Variants in SORCS3 observed in about 807,000 individuals in gnomAD.
SORCS3 encodes sortilin related VPS10 domain containing receptor 3, also known as VPS10 domain-containing receptor SorCS3.
A neutral mutation model predicts 146.3 loss-of-function variants in SORCS3; 57 were observed. That is an observed-to-expected ratio of 0.39 (90% CI 0.31 to 0.49). The LOEUF (loss-of-function observed/expected upper bound fraction) is 0.49. SORCS3 is among the 20% of genes least tolerant of loss of function. The pLI, the probability that SORCS3 is intolerant of heterozygous loss-of-function variation, is 0.92. For missense variants in SORCS3, 1,341 were observed against 1,575.5 expected (o/e 0.85, Z 2.52); for synonymous variants, 653 against 618.5 (o/e 1.06, Z -0.83).
intron 4 of SORCS3, among the ~76,000 whole-genome samples, chr10:105,039,029 T>C (rs139743230): frequency 1.2e-4 from 19 of 152,220 alleles, no homozygotes; most frequent in African/African-American, 4.3e-4. Context: ...GGCATTATAA[T>C]TGCATGCATT....
At chr10:104,934,962 G>T (rs2019245584) in intron 3 of SORCS3, among the ~76,000 whole-genome samples, 1 of 152,210 alleles carries the variant, frequency 6.6e-6, no homozygotes, top group South Asian at 2.1e-4. Flanking sequence ...ATTCTGAGCA[G>T]CAGAACATTC....
chr10:105,103,063 T>C (rs1384074424), intron 6 of SORCS3, among the ~76,000 whole-genome samples: 1 of 152,018 alleles, frequency 6.6e-6, no homozygotes, highest in Non-Finnish European at 1.5e-5. Context: ...CTCTCAATTA[T>C]AAAAATAAGG....
At chr10:105,139,254 T>G (rs1733255305) in intron 7 of SORCS3, 143 bp from the exon 8 acceptor site, 1 of 662,660 alleles carries the variant, frequency 1.5e-6, no homozygotes, top group African/African-American at 1.8e-5. Context: ...TGCCATGGGA[T>G]TAGAGACCCA....
intron 2 of SORCS3, among the ~76,000 whole-genome samples, chr10:104,862,982 A>C (rs1279817259): frequency 1.3e-5 from 2 of 152,214 alleles, no homozygotes; most frequent in African/African-American, 4.8e-5. Context: ...AAGCTGTGAC[A>C]TTCATTTGGG....
chr10:105,141,972 G>A (rs748774268), intron 8 of SORCS3, among the ~76,000 whole-genome samples: 14 of 152,150 alleles, frequency 9.2e-5, no homozygotes, highest in African/African-American at 2.7e-4. Context: ...TAAAGTGTTC[G>A]ACAAATCTAA....
At chr10:104,884,754 T>G (rs2018664909) in intron 2 of SORCS3, among the ~76,000 whole-genome samples, 1 of 152,022 alleles carries the variant, frequency 6.6e-6, no homozygotes, top group Non-Finnish European at 1.5e-5. Context: ...TCTAAAATAG[T>G]TTTGAATTCT....
At chr10:105,028,892 G>A (rs969564489) in intron 4 of SORCS3, among the ~76,000 whole-genome samples, 8 of 152,094 alleles carry the variant, frequency 5.3e-5, no homozygotes, top group South Asian at 2.1e-4. Context: ...TCTCAAGATC[G>A]GTACCTAAGA....
chr10:105,073,772 G>T (rs2055572348), intron 5 of SORCS3, among the ~76,000 whole-genome samples: 1 of 152,112 alleles, frequency 6.6e-6, no homozygotes, highest in Admixed American at 6.5e-5. Flanking sequence ...CATCAGAAAA[G>T]AATTACTCGT....
intron 1 of SORCS3, among the ~76,000 whole-genome samples, chr10:104,718,555 T>C (rs1186374611): frequency 1.3e-5 from 2 of 152,186 alleles, no homozygotes; most frequent in African/African-American, 4.8e-5. Flanking sequence ...GGGGTGCCTC[T>C]GAAGTACAAT....
At position 105,206,273 on chromosome 10, in the gene SORCS3, T is replaced by A. The variant is rs1187240260; in HGVS notation, c.2262-4864T>A. Among the ~76,000 whole-genome samples, 3 of 152,204 alleles carry A rather than the reference T, an allele frequency of 2.0e-5. No homozygotes were observed. In the East Asian group the frequency reaches 5.8e-4, roughly 29 times the overall value. ...TAATGAGTATAATTAAATGCTGAATTTTATGGTCCAAAGCTATCATAGTTA... is the reference window on the plus strand; with the variant it reads ...TAATGAGTATAATTAAATGCTGAATATTATGGTCCAAAGCTATCATAGTTA... On this transcript the variant is annotated intron_variant, in intron 16 of 26. Transcript: ENST00000369701.
chr10:104,658,323 G>C (rs151072950), intron 1 of SORCS3, among the ~76,000 whole-genome samples: 1 of 152,286 alleles, frequency 6.6e-6, no homozygotes, highest in East Asian at 1.9e-4. Context: ...ATAGCAGAGA[G>C]GTCACATGTA....
At chr10:104,706,486 C>T (rs779633773) in intron 1 of SORCS3, among the ~76,000 whole-genome samples, 16 of 152,078 alleles carry the variant, frequency 1.1e-4, no homozygotes, top group Admixed American at 2.0e-4. Flanking sequence ...GGATTACAGG[C>T]GTGAGCCACT....
chr10:105,199,011 G>A lies in SORCS3; in HGVS notation c.2010-988G>A, dbSNP rs1332749627. Among the ~76,000 whole-genome samples, 6 of 152,206 alleles carry A rather than the reference G, an allele frequency of 3.9e-5. No individual in the cohort carries two copies. The East Asian group carries it at 1.2e-3, about 29-fold the overall frequency. Reference sequence around the variant, plus strand: ...ATGACCCAGGAAGAGAGTTAATCTTGTAGGTGTCACCATAACAGTATCTGA... The same window carrying A: ...ATGACCCAGGAAGAGAGTTAATCTTATAGGTGTCACCATAACAGTATCTGA... On this transcript the variant is annotated intron_variant, in intron 14 of 26. Coordinates refer to ENST00000369701, the MANE Select transcript of SORCS3 (RefSeq NM_014978.3).
chr10:105,102,097 T>G (rs749870450), intron 6 of SORCS3, among the ~76,000 whole-genome samples: 61 of 152,180 alleles, frequency 4.0e-4, no homozygotes, highest in Non-Finnish European at 5.9e-5. Context: ...CAGGCTGTCC[T>G]TAAAGCATGT....
chr10:104,725,703 C>T (rs2016620895), intron 1 of SORCS3, among the ~76,000 whole-genome samples: 1 of 152,238 alleles, frequency 6.6e-6, no homozygotes, highest in African/African-American at 2.4e-5. Context: ...GCCTCACTGC[C>T]ACCTTGCAGT....
At chr10:105,217,174 G>T in intron 19 of SORCS3, 52 bp downstream of exon 19, 1 of 1,587,346 alleles carries the variant, frequency 6.3e-7, no homozygotes. Flanking sequence ...TTGGCAACTT[G>T]CTCTGTTCAG....
At chr10:105,100,127 T>A (rs1290681263) in intron 6 of SORCS3, among the ~76,000 whole-genome samples, 6 of 152,230 alleles carry the variant, frequency 3.9e-5, no homozygotes, top group African/African-American at 1.4e-4. Flanking sequence ...GCTGTAGAGC[T>A]AGTTTGAAAT....
intron 1 of SORCS3, among the ~76,000 whole-genome samples, chr10:104,684,449 A>G (rs1564658240): frequency 6.6e-6 from 1 of 152,130 alleles, no homozygotes; most frequent in African/African-American, 2.4e-5. Context: ...CAATTTTTCA[A>G]CATTTTTTGA....
chr10:104,655,429 G>A (rs1223038199), intron 1 of SORCS3, among the ~76,000 whole-genome samples: 1 of 152,050 alleles, frequency 6.6e-6, no homozygotes, highest in African/African-American at 2.4e-5. Context: ...AAAATAGCCA[G>A]CATTGTCTGT....
Sources: allele counts gnomAD v4.1 joint callset (sites outside exome capture counted in the v4.1 genomes callset), GRCh38; gene constraint gnomAD v4.1.1; transcripts MANE v1.5; gene names NCBI Gene and HGNC (gene_info 2026-07-23, HGNC 2026-07-21).